Variants in CDH4 observed in about 807,000 individuals in gnomAD.
CDH4 encodes cadherin-4.
CDH4 carries 33 observed loss-of-function variants against 86.0 expected under a neutral mutation model. That is an observed-to-expected ratio of 0.38 (90% CI 0.29 to 0.51). The LOEUF is 0.51. CDH4 is among the 20% of genes least tolerant of loss of function. The pLI is 0.86. For synonymous variants in CDH4, 555 were observed against 549.4 expected (o/e 1.01, Z -0.14); for missense variants, 1,114 against 1,307.4 (o/e 0.85, Z 2.28).
chr20:61,364,931 G>A (rs2084803228), intron 2 of CDH4, among the ~76,000 whole-genome samples: 1 of 152,166 alleles, frequency 6.6e-6, no homozygotes, highest in South Asian at 2.1e-4. Context: ...AGGAACTCGG[G>A]TGGGGAGCAG....
intron 2 of CDH4, among the ~76,000 whole-genome samples, chr20:61,629,697 G>T (rs1269148132): frequency 6.6e-6 from 1 of 152,206 alleles, no homozygotes; most frequent in African/African-American, 2.4e-5. Flanking sequence ...GAAGAATCTA[G>T]GAGCCCCAGA....
intron 4 of CDH4, among the ~76,000 whole-genome samples, chr20:61,789,493 G>C (rs1311618595): frequency 1.3e-5 from 2 of 152,210 alleles, no homozygotes; most frequent in African/African-American, 4.8e-5. Flanking sequence ...CACCCTGCCT[G>C]CCTGAAGCGG....
At chr20:61,256,340 T>G (rs557073683) in intron 2 of CDH4, among the ~76,000 whole-genome samples, 66 of 152,252 alleles carry the variant, frequency 4.3e-4, no homozygotes, top group African/African-American at 1.5e-3. Flanking sequence ...GACCTTGGAG[T>G]ATCCATTTTA....
chr20:61,640,877 T>C (rs1388264945), intron 2 of CDH4, among the ~76,000 whole-genome samples: 1 of 152,226 alleles, frequency 6.6e-6, no homozygotes, highest in Non-Finnish European at 1.5e-5. Context: ...TTTCTGCTAA[T>C]AACTCCTTAA....
chr20:61,928,928 C>T (rs753052537), intron 12 of CDH4, among the ~76,000 whole-genome samples: 3 of 152,194 alleles, frequency 2.0e-5, no homozygotes, highest in African/African-American at 4.8e-5. Flanking sequence ...ATTCTGCCAC[C>T]TTTAGGCCAA....
intron 4 of CDH4, among the ~76,000 whole-genome samples, chr20:61,808,419 C>G (rs1389781324): frequency 6.6e-6 from 1 of 152,180 alleles, no homozygotes; most frequent in Non-Finnish European, 1.5e-5. Flanking sequence ...TATAATCACT[C>G]CGCCCTGCAG....
At chr20:61,374,543 A>T (rs2084856525) in intron 2 of CDH4, among the ~76,000 whole-genome samples, 1 of 152,192 alleles carries the variant, frequency 6.6e-6, no homozygotes, top group Non-Finnish European at 1.5e-5. Context: ...CAGCTGTGAG[A>T]TGGGATGACG....
At chr20:61,358,909 G>C (rs968895652) in intron 2 of CDH4, among the ~76,000 whole-genome samples, 1 of 152,138 alleles carries the variant, frequency 6.6e-6, no homozygotes. Context: ...TGACGGGGGG[G>C]TTTACTCCGT....
chr20:61,810,139 G>T lies in CDH4; in HGVS notation c.577-34529G>T, dbSNP rs891829716. ...GGCCTCAGCCGGGGTGGGGTGGGGG[G>T]CACCTGAGCCTAGACCTGTTCTCAA... On this transcript the variant is annotated intron_variant, in intron 4 of 15. Coordinates refer to ENST00000614565, the MANE Select transcript of CDH4 (RefSeq NM_001794.5). The surrounding 1 kb of genome is among the most constrained non-coding windows in gnomAD (Gnocchi z 4.3). 6.6e-6 allele frequency among the ~76,000 whole-genome samples: 1 copy of T among 152,162 alleles called. No homozygotes were observed. The highest frequency in any genetic ancestry group is 1.5e-5 in the Non-Finnish European group (1 of 68,022).
intron 2 of CDH4, among the ~76,000 whole-genome samples, chr20:61,602,984 CA>C (rs2086614706): frequency 1.3e-5 from 2 of 152,250 alleles, no homozygotes; most frequent in Non-Finnish European, 2.9e-5. Flanking sequence ...GCGTGATCTG[CA>C]GGCGTCTTAG....
In CDH4 at chr20:61,888,135, G is replaced by A. The variant is rs547657938; in HGVS notation, c.1051-6775G>A. Among the ~76,000 whole-genome samples the A allele has an allele frequency of 9.2e-5, 14 of 152,296 alleles. No individual in the cohort carries two copies. The East Asian group carries it at 2.1e-3, about 23-fold the overall frequency. ...ACCTGATTCCGTTTCCTGGGGGAGC[G>A]GGGACTGAAGTGAGATGCAGCCACA... On this transcript the variant is annotated intron_variant, in intron 7 of 15. Transcript: ENST00000614565.
At position 61,517,610 on chromosome 20, in the gene CDH4, G is replaced by A. The variant is rs567259028; in HGVS notation, c.170-225953G>A. Among the ~76,000 whole-genome samples the A allele has an allele frequency of 2.2e-4, 34 of 152,252 alleles. No homozygotes were observed. In the South Asian group the frequency reaches 2.7e-3, roughly 12 times the overall value. On this transcript the variant is annotated intron_variant, in intron 2 of 15. Transcript: ENST00000614565. This position sits in a 1 kb window ranked among gnomAD's most constrained non-coding sequence, Gnocchi z 6.6. Reference sequence around the variant, plus strand: ...TTCACTCCTGACCTTGGAACTTGGCGGGTGGCTGAGCCCCTTGAGCTGCAA... The same window carrying A: ...TTCACTCCTGACCTTGGAACTTGGCAGGTGGCTGAGCCCCTTGAGCTGCAA...
intron 2 of CDH4, among the ~76,000 whole-genome samples, chr20:61,586,557 C>A (rs549647695): frequency 6.9e-4 from 105 of 152,320 alleles, no homozygotes; most frequent in Non-Finnish European, 1.4e-3. Flanking sequence ...CTTACAGTAG[C>A]CCACCCAGGT....
At chr20:61,842,907 A>G (rs956074343) in intron 4 of CDH4, among the ~76,000 whole-genome samples, 4 of 152,216 alleles carry the variant, frequency 2.6e-5, no homozygotes, top group African/African-American at 9.6e-5. Context: ...GCTTCACTGT[A>G]TAACAGTCGC....
intron 2 of CDH4, among the ~76,000 whole-genome samples, chr20:61,361,077 G>A (rs1305753495): frequency 2.6e-5 from 4 of 152,122 alleles, no homozygotes; most frequent in Non-Finnish European, 4.4e-5. Flanking sequence ...GGCAAGAGAC[G>A]AGGCTGGCGT....
At chr20:61,778,006 C>T (rs576430376) in intron 4 of CDH4, among the ~76,000 whole-genome samples, 34 of 152,380 alleles carry the variant, frequency 2.2e-4, no homozygotes, top group African/African-American at 8.2e-4. Context: ...GCACACTATA[C>T]ACACATGCAC....
intron 2 of CDH4, among the ~76,000 whole-genome samples, chr20:61,651,634 T>C (rs115036370): frequency 6.6e-6 from 1 of 152,188 alleles, no homozygotes; most frequent in South Asian, 2.1e-4. Flanking sequence ...ACCTCGCAGG[T>C]GGCCATCGGG....
rs544038546 is a variant in CDH4, at chr20:61,535,699, C to A, written c.170-207864C>A. ...GGGCCCTTCTGAGAGGGGGCCCGGG[C>A]TGCATACCCCTGAGCCTCCATGGGG... On this transcript the variant is annotated intron_variant, in intron 2 of 15. Transcript: ENST00000614565. 2.0e-5 allele frequency among the ~76,000 whole-genome samples: 3 copies of A among 152,250 alleles called. No individual in the cohort carries two copies. In the East Asian group the frequency reaches 5.8e-4, roughly 29 times the overall value.
chr20:61,555,930 A>G (rs1173026781), intron 2 of CDH4, among the ~76,000 whole-genome samples: 1 of 152,234 alleles, frequency 6.6e-6, no homozygotes, highest in East Asian at 1.9e-4. Flanking sequence ...GACAGCCCAT[A>G]AAGATTGATT....
Sources: allele counts gnomAD v4.1 joint callset (sites outside exome capture counted in the v4.1 genomes callset), GRCh38; gene constraint gnomAD v4.1.1; non-coding constraint Gnocchi (gnomAD v3.1); transcripts MANE v1.5; gene names NCBI Gene and HGNC (gene_info 2026-07-23, HGNC 2026-07-21).